Variants in NTRK3 observed in about 807,000 individuals in gnomAD.
The protein encoded by NTRK3 is NT-3 growth factor receptor.
NTRK3 carries 24 observed loss-of-function variants against 91.7 expected under a neutral mutation model. The observed-to-expected ratio is 0.26, with a 90% CI of 0.19 to 0.37. The LOEUF (loss-of-function observed/expected upper bound fraction) is 0.37, where lower values mean the gene tolerates loss of function less well. Ranked by LOEUF, NTRK3 falls within the 10% of genes least tolerant of loss-of-function variation. The pLI, the probability that NTRK3 is intolerant of heterozygous loss-of-function variation, is 1.00. For synonymous variants in NTRK3, 483 were observed against 404.0 expected, an observed-to-expected ratio of 1.20 and a Z score of -2.34; for missense variants, 880 against 1,068.9, an observed-to-expected ratio of 0.82 and a Z score of 2.46.
At chr15:87,875,363 C>T (rs530601808) in exon 19 of NTRK3, 5 of 231,164 alleles carry the variant, frequency 2.2e-5, no homozygotes, top group Non-Finnish European at 4.3e-5. Flanking sequence ...ACAGGGAGGC[C>T]CAGAGGTCGG....
intron 17 of NTRK3, among the ~76,000 whole-genome samples, chr15:87,907,519 A>C (rs2066844849): frequency 6.6e-6 from 1 of 152,168 alleles, no homozygotes; most frequent in Non-Finnish European, 1.5e-5. Context: ...ATAAGACTGC[A>C]GTATCAGGAT....
chr15:87,873,088 C>T (rs2064865094), exon 19 of NTRK3: 1 of 232,820 alleles, frequency 4.3e-6, no homozygotes, highest in East Asian at 6.1e-5. Context: ...AGCTGGCTGA[C>T]AGCTCTCCCG....
chr15:88,037,979 C>T (rs2079217903), intron 13 of NTRK3, among the ~76,000 whole-genome samples: 1 of 152,230 alleles, frequency 6.6e-6, no homozygotes, highest in African/African-American at 2.4e-5. Flanking sequence ...GCTCCGGAGC[C>T]TGTGCTCATA....
chr15:88,083,078 C>A (rs1567360789), intron 13 of NTRK3, among the ~76,000 whole-genome samples: 1 of 152,180 alleles, frequency 6.6e-6, no homozygotes, highest in Non-Finnish European at 1.5e-5. Flanking sequence ...CTTATTCCTA[C>A]CAGGAGACTA....
chr15:87,881,917 CAG>C (rs1364380212), intron 17 of NTRK3, among the ~76,000 whole-genome samples: 1 of 151,270 alleles, frequency 6.6e-6, no homozygotes, highest in East Asian at 2.0e-4. Flanking sequence ...TTTTCTGAGA[CAG>C]AGTTTCACTC....
intron 13 of NTRK3, among the ~76,000 whole-genome samples, chr15:88,057,925 A>G (rs1306966481): frequency 1.2e-4 from 19 of 152,216 alleles, no homozygotes; most frequent in Non-Finnish European, 2.5e-4. Flanking sequence ...GCCTGCTGCC[A>G]GTATGGGGCT....
chr15:87,876,661 G>A (rs979220218), exon 19 of NTRK3: 1 of 215,984 alleles, frequency 4.6e-6, no homozygotes, highest in African/African-American at 2.3e-5. Context: ...GCTTCTCTGT[G>A]TACTAGAGAA....
At chr15:87,991,821 T>C (rs921942876) in intron 14 of NTRK3, among the ~76,000 whole-genome samples, 7 of 152,188 alleles carry the variant, frequency 4.6e-5, no homozygotes, top group African/African-American at 1.7e-4. Context: ...AGTTGAGAGA[T>C]AGTAACTTTA....
intron 17 of NTRK3, among the ~76,000 whole-genome samples, chr15:87,915,014 A>G (rs1462629530): frequency 6.6e-6 from 1 of 151,710 alleles, no homozygotes; most frequent in Non-Finnish European, 1.5e-5. Context: ...TGGTGTTGGT[A>G]ATGATGTTGG....
At chr15:88,195,260 C>T (rs2047719774) in intron 3 of NTRK3, among the ~76,000 whole-genome samples, 1 of 152,146 alleles carries the variant, frequency 6.6e-6, no homozygotes. Flanking sequence ...TTACCAAAAC[C>T]TCTGATTATG....
intron 13 of NTRK3, among the ~76,000 whole-genome samples, chr15:88,068,957 A>T (rs1052013455): frequency 6.6e-6 from 1 of 152,144 alleles, no homozygotes; most frequent in Non-Finnish European, 1.5e-5. Context: ...GAAGAAAGAG[A>T]GGTAGGTACG....
intron 13 of NTRK3, among the ~76,000 whole-genome samples, chr15:88,063,135 T>C (rs999539091): frequency 2.6e-5 from 4 of 152,238 alleles, no homozygotes; most frequent in Non-Finnish European, 5.9e-5. Context: ...AACTCCCTTA[T>C]TTGTTTGCTG....
At chr15:87,911,592 CCA>C (rs2141743010) in intron 17 of NTRK3, among the ~76,000 whole-genome samples, 1 of 152,298 alleles carries the variant, frequency 6.6e-6, no homozygotes, top group African/African-American at 2.4e-5. Context: ...CTAGCGTTTT[CCA>C]ATCTTGCCAC....
At chr15:88,138,263 A>T (rs545460770) in intron 6 of NTRK3, among the ~76,000 whole-genome samples, 1 of 151,278 alleles carries the variant, frequency 6.6e-6, no homozygotes, top group African/African-American at 2.4e-5. Context: ...ACAAAAAATT[A>T]GCCGGGCGTG....
intron 17 of NTRK3, among the ~76,000 whole-genome samples, chr15:87,918,154 G>A (rs1229054052): frequency 6.6e-6 from 1 of 152,104 alleles, no homozygotes; most frequent in African/African-American, 2.4e-5. Context: ...CTACCACTGT[G>A]GCACAGGATC....
intron 5 of NTRK3, among the ~76,000 whole-genome samples, chr15:88,179,778 T>G (rs1271628616): frequency 6.6e-6 from 1 of 152,200 alleles, no homozygotes; most frequent in Admixed American, 6.5e-5. Flanking sequence ...TTCAGTTCCT[T>G]AACTCCTTTC....
chr15:88,052,217 G>GAGGT (rs1012401845), intron 13 of NTRK3, among the ~76,000 whole-genome samples: 2 of 152,194 alleles, frequency 1.3e-5, no homozygotes, highest in African/African-American at 4.8e-5. Context: ...AATAGGACAG[G>GAGGT]AGGTAGCCTG....
chr15:88,256,715 C>T (rs1316226998), exon 1 of NTRK3: 4 of 368,088 alleles, frequency 1.1e-5, no homozygotes, highest in Non-Finnish European at 1.9e-5. Context: ...TGGCTCGCCG[C>T]GCGGCTGCAG....
rs2051896821 is a variant in NTRK3, at chr15:88,237,465, C to T, written c.248+18441G>A. On this transcript the variant is annotated intron_variant, in intron 3 of 18. Transcript: ENST00000394480. The surrounding 1 kb of genome is among the most constrained non-coding windows in gnomAD (Gnocchi z 4.0). ...GGTGGAGGGATGCCTAACATGGTTA[C>T]TGACACAAGTGTGGTGCTCACTGGT... 6.6e-6 allele frequency among the ~76,000 whole-genome samples: 1 copy of T among 152,196 alleles called. No homozygotes were observed. Among genetic ancestry groups the T allele is most frequent in the Admixed American group, 6.5e-5 (1 of 15,280 alleles).
Sources: allele counts gnomAD v4.1 joint callset (sites outside exome capture counted in the v4.1 genomes callset), GRCh38; gene constraint gnomAD v4.1.1; non-coding constraint Gnocchi (gnomAD v3.1); transcripts MANE v1.5; gene names NCBI Gene and HGNC (gene_info 2026-07-23, HGNC 2026-07-21).